The following TMEM178B variants were observed in gnomAD, a reference collection of about 807,000 sequenced individuals.
TMEM178B encodes transmembrane protein 178B.
In TMEM178B, 5 loss-of-function variants were observed where a neutral mutation model predicts 31.0. The observed-to-expected ratio is 0.16, with a 90% CI of 0.08 to 0.34. TMEM178B has a LOEUF of 0.34. TMEM178B is among the 10% of genes least tolerant of loss of function. TMEM178B has a pLI of 1.00. For synonymous variants in TMEM178B, 164 were observed against 164.0 expected, an observed-to-expected ratio of 1.00 and a Z score of 0.00; for missense variants, 275 against 400.3, an observed-to-expected ratio of 0.69 and a Z score of 2.67.
intron 2 of TMEM178B, among the ~76,000 whole-genome samples, chr7:141,420,936 C>T (rs1166543008): frequency 6.6e-6 from 1 of 152,156 alleles, no homozygotes; most frequent in East Asian, 1.9e-4. Context: ...CCCCTAACTT[C>T]CAGGTAGCAA....
intron 3 of TMEM178B, among the ~76,000 whole-genome samples, chr7:141,438,976 A>C (rs1265181265): frequency 6.6e-6 from 1 of 152,144 alleles, no homozygotes; most frequent in Non-Finnish European, 1.5e-5. Flanking sequence ...AGGCACCTGT[A>C]GCAAACACCC....
chr7:141,184,204 A>C (rs999891790), intron 1 of TMEM178B, among the ~76,000 whole-genome samples: 19 of 152,282 alleles, frequency 1.2e-4, no homozygotes, highest in African/African-American at 4.6e-4. Flanking sequence ...CCATATTTCT[A>C]TTATCTTGAA....
intron 1 of TMEM178B, among the ~76,000 whole-genome samples, chr7:141,198,643 G>A (rs999821357): frequency 2.0e-5 from 3 of 152,062 alleles, no homozygotes; most frequent in South Asian, 2.1e-4. Context: ...ATCCTTCATC[G>A]CCCCTGCCTG....
At chr7:141,217,470 C>A (rs1797175878) in intron 2 of TMEM178B, among the ~76,000 whole-genome samples, 2 of 152,214 alleles carry the variant, frequency 1.3e-5, no homozygotes, top group Admixed American at 6.5e-5. Context: ...TGGCATGGAG[C>A]TGGGCCTTGG....
chr7:141,095,132 T>A (rs1359086738), intron 1 of TMEM178B, among the ~76,000 whole-genome samples: 2 of 152,204 alleles, frequency 1.3e-5, no homozygotes, highest in East Asian at 3.8e-4. Flanking sequence ...TGGATGTCAT[T>A]AGCCTTTTTT....
At chr7:141,401,868 C>G (rs1332995405) in intron 2 of TMEM178B, among the ~76,000 whole-genome samples, 1 of 152,114 alleles carries the variant, frequency 6.6e-6, no homozygotes, top group East Asian at 1.9e-4. Context: ...TAGCAAAAAT[C>G]GAACCAACGT....
chr7:141,373,075 C>G (rs1193928630), intron 2 of TMEM178B, among the ~76,000 whole-genome samples: 1 of 152,184 alleles, frequency 6.6e-6, no homozygotes, highest in African/African-American at 2.4e-5. Context: ...CTCTCTGAAC[C>G]TTGGTCACTT....
At chr7:141,097,479 A>C (rs1174928979) in intron 1 of TMEM178B, among the ~76,000 whole-genome samples, 1 of 152,076 alleles carries the variant, frequency 6.6e-6, no homozygotes. Context: ...GAAATAAAGA[A>C]TAAATTCAGT....
intron 2 of TMEM178B, among the ~76,000 whole-genome samples, chr7:141,395,328 C>A (rs922814782): frequency 6.6e-6 from 1 of 152,190 alleles, no homozygotes; most frequent in African/African-American, 2.4e-5. Flanking sequence ...GTAGTCCCAG[C>A]CACTTGGGAG....
At chr7:141,406,298 C>G (rs547566137) in intron 2 of TMEM178B, among the ~76,000 whole-genome samples, 1 of 152,270 alleles carries the variant, frequency 6.6e-6, no homozygotes, top group African/African-American at 2.4e-5. Flanking sequence ...AAGCCACTGC[C>G]CTGAGTGTGA....
At chr7:141,185,818 C>G (rs2129184414) in intron 1 of TMEM178B, among the ~76,000 whole-genome samples, 1 of 152,176 alleles carries the variant, frequency 6.6e-6, no homozygotes, top group East Asian at 1.9e-4. Flanking sequence ...CTTCCCTTCC[C>G]CCTTTCCATA....
chr7:141,111,542 C>A (rs1795234791), intron 1 of TMEM178B, among the ~76,000 whole-genome samples: 1 of 152,220 alleles, frequency 6.6e-6, no homozygotes. Flanking sequence ...AGGATTGCTT[C>A]AAAAATGCTT....
chr7:141,141,862 C>T (rs142257077), intron 1 of TMEM178B, among the ~76,000 whole-genome samples: 3 of 152,266 alleles, frequency 2.0e-5, no homozygotes, highest in African/African-American at 7.2e-5. Flanking sequence ...TTTATGTATA[C>T]AGTACTTAAC....
At chr7:141,454,921 A>C (rs1280823756) in intron 3 of TMEM178B, among the ~76,000 whole-genome samples, 1 of 151,694 alleles carries the variant, frequency 6.6e-6, no homozygotes, top group Non-Finnish European at 1.5e-5. Flanking sequence ...CCGAGAGGAA[A>C]GTAGAGCTAA....
intron 2 of TMEM178B, among the ~76,000 whole-genome samples, chr7:141,389,872 G>A (rs1286607468): frequency 2.6e-5 from 4 of 152,176 alleles, no homozygotes; most frequent in Non-Finnish European, 5.9e-5. Flanking sequence ...ACTGGCATGA[G>A]CACCTCGAAG....
At chr7:141,469,624 A>G (rs1054132799) in intron 3 of TMEM178B, among the ~76,000 whole-genome samples, 1 of 152,124 alleles carries the variant, frequency 6.6e-6, no homozygotes, top group Admixed American at 6.5e-5. Context: ...TTGCTCTCAT[A>G]TCAGTGGTTA....
intron 2 of TMEM178B, among the ~76,000 whole-genome samples, chr7:141,301,439 T>G (rs756590252): frequency 1.3e-5 from 2 of 152,240 alleles, no homozygotes; most frequent in Non-Finnish European, 2.9e-5. Flanking sequence ...TATGTTCTAC[T>G]GCTGGGTGGG....
At chr7:141,495,211 A>C in the TMEM178B span, among the ~76,000 whole-genome samples, 1 of 152,180 alleles carries the variant, frequency 6.6e-6, no homozygotes, top group Non-Finnish European at 1.5e-5. Flanking sequence ...TTCAGCCACA[A>C]ATGGGTCATT....
Position 141,477,913 on chromosome 7 carries a change from CT to C in TMEM178B, c.*7131del. The C allele has an allele frequency of 6.6e-6, 1 of 152,390 alleles. No homozygotes were observed. Among genetic ancestry groups the C allele is most frequent in the Non-Finnish European group, 1.5e-5 (1 of 68,078 alleles). The allele number at this position is 152,390 out of a possible 1,614,324, so 9.4% of individuals were successfully genotyped here. A position where few individuals can be genotyped will look rare whatever the true frequency, so the allele number is the denominator to read the frequency against. ...TATCTACCGTTTCATTCTCAGATTC[CT>C]TTTCCCACCCACTTTGACGATCTCA... On this transcript the variant is annotated 3_prime_UTR_variant, in exon 4 of 4. Transcript: ENST00000565468.
Sources: gnomAD v4.1 joint callset for allele counts (sites outside exome capture counted in the v4.1 genomes callset) on GRCh38, gnomAD v4.1.1 for gene constraint, MANE v1.5 for transcripts, NCBI Gene and HGNC (gene_info 2026-07-23, HGNC 2026-07-21) for gene names.